The following CNGB3 variants were observed in gnomAD, a reference collection of about 807,000 sequenced individuals.
The protein encoded by CNGB3 is cyclic nucleotide-gated channel beta-3.
In CNGB3, 86 loss-of-function variants were observed where a neutral mutation model predicts 92.8. The ratio of observed to expected loss-of-function variants is 0.93; its 90% CI spans 0.78 to 1.11. The LOEUF (loss-of-function observed/expected upper bound fraction) is 1.11, where lower values mean the gene tolerates loss of function less well. Among genes scored for constraint, CNGB3 ranks in the 50% least tolerant of loss-of-function variants. The probability of loss-of-function intolerance (pLI) is 0.00; values close to 1 mark genes in which losing one functional copy is unlikely to be tolerated. For synonymous variants in CNGB3, 333 were observed against 332.7 expected (o/e 1.00, Z -0.01); for missense variants, 1,026 against 956.8 (o/e 1.07, Z -0.95).
intron 6 of CNGB3, chr8:86,659,395 T>A: frequency 1.3e-6 from 1 of 757,502 alleles, no homozygotes; most frequent in Non-Finnish European, 2.4e-6. Flanking sequence ...AGCAGGAGCT[T>A]GGCCTCTCCA....
At chr8:86,591,214 T>C (rs1822027419) in intron 15 of CNGB3, among the ~76,000 whole-genome samples, 1 of 141,282 alleles carries the variant, frequency 7.1e-6, no homozygotes, top group African/African-American at 2.6e-5. Flanking sequence ...CACTTTTCTG[T>C]ATTGGTTATT....
At chr8:86,600,643 C>T (rs1204757026) in intron 15 of CNGB3, among the ~76,000 whole-genome samples, 2 of 150,312 alleles carry the variant, frequency 1.3e-5, no homozygotes, top group African/African-American at 2.4e-5. Flanking sequence ...AGAGTCTCGC[C>T]CTGTCACCCA....
At chr8:86,658,622 C>T in intron 6 of CNGB3, 1 of 342,754 alleles carries the variant, frequency 2.9e-6, no homozygotes, top group South Asian at 3.1e-5. Flanking sequence ...GATCTCACTA[C>T]TGCTGTAGAC....
In CNGB3 at chr8:86,735,152, T is replaced by TTTTTTTG. The variant is rs1263933023; in HGVS notation, c.211+4502_211+4503insCAAAAAA. Among the ~76,000 whole-genome samples, 7 of 125,744 alleles carry TTTTTTTG rather than the reference T, an allele frequency of 5.6e-5. 2 individuals are homozygous for TTTTTTTG. The highest frequency in any genetic ancestry group is 6.6e-5 in the Non-Finnish European group (4 of 60,198). The allele number at this position is 125,744 out of a possible 152,430, so 82.5% of individuals were successfully genotyped here. A position where few individuals can be genotyped will look rare whatever the true frequency, so the allele number is the denominator to read the frequency against. ...ATTTTTAAAATGGTTGCCTTTTTTT[T>TTTTTTTG]TTTTTTTTGAGACAGAGTCTTGCTG... is the stretch of plus-strand genomic sequence containing the variant. On this transcript the variant is annotated intron_variant, in intron 2 of 17. Transcript: ENST00000320005.
intron 3 of CNGB3, among the ~76,000 whole-genome samples, chr8:86,700,987 A>G (rs1353534035): frequency 6.6e-6 from 1 of 152,178 alleles, no homozygotes; most frequent in African/African-American, 2.4e-5. Flanking sequence ...GTTTCTGGAT[A>G]ATTATCATGG....
At chr8:86,631,853 T>C (rs1178366065) in intron 11 of CNGB3, among the ~76,000 whole-genome samples, 1 of 152,218 alleles carries the variant, frequency 6.6e-6, no homozygotes, top group African/African-American at 2.4e-5. Context: ...TGTTTTGATA[T>C]GTTAATATCA....
intron 3 of CNGB3, among the ~76,000 whole-genome samples, chr8:86,678,348 T>TAA (rs1824014553): frequency 6.6e-6 from 1 of 152,218 alleles, no homozygotes; most frequent in South Asian, 2.1e-4. Flanking sequence ...AGTATAGATA[T>TAA]AACTCAACCA....
intron 13 of CNGB3, among the ~76,000 whole-genome samples, chr8:86,616,443 CTAT>C (rs1164496232): frequency 1.4e-4 from 22 of 152,012 alleles, no homozygotes; most frequent in Non-Finnish European, 3.1e-4. Context: ...TGTTTGAGAA[CTAT>C]TATTATTCTT....
At chr8:86,697,889 G>T (rs1176047005) in intron 3 of CNGB3, among the ~76,000 whole-genome samples, 1 of 151,926 alleles carries the variant, frequency 6.6e-6, no homozygotes, top group African/African-American at 2.4e-5. Flanking sequence ...AGAACATGTG[G>T]TGTTTGGTTT....
chr8:86,723,903 A>G (rs972603814), intron 3 of CNGB3, among the ~76,000 whole-genome samples: 1 of 152,188 alleles, frequency 6.6e-6, no homozygotes, highest in Non-Finnish European at 1.5e-5. Flanking sequence ...GCTTGAGGCC[A>G]TTATCCTAAG....
chr8:86,669,258 TAAAG>T, intron 4 of CNGB3, among the ~76,000 whole-genome samples: 2 of 152,160 alleles, frequency 1.3e-5, no homozygotes, highest in African/African-American at 4.8e-5. Context: ...GCGTATAAAA[TAAAG>T]ACATTCTCAC....
intron 6 of CNGB3, chr8:86,660,604 C>A (rs1336151802): frequency 9.4e-6 from 5 of 534,036 alleles, no homozygotes; most frequent in Non-Finnish European, 1.9e-5. Flanking sequence ...TAGCTCCAAA[C>A]TGCACTCTGG....
intron 3 of CNGB3, among the ~76,000 whole-genome samples, chr8:86,705,662 T>C (rs1369241994): frequency 1.3e-5 from 2 of 152,114 alleles, no homozygotes; most frequent in Non-Finnish European, 2.9e-5. Context: ...GAAACACGGC[T>C]GACATGAGCG....
chr8:86,618,794 T>A (rs1184115692), intron 13 of CNGB3, among the ~76,000 whole-genome samples: 1 of 152,206 alleles, frequency 6.6e-6, no homozygotes, highest in Non-Finnish European at 1.5e-5. Context: ...TCAGGCCCTG[T>A]GGAGTAAATA....
chr8:86,637,821 T>C (rs1823101974), intron 10 of CNGB3, among the ~76,000 whole-genome samples: 1 of 152,182 alleles, frequency 6.6e-6, no homozygotes, highest in East Asian at 1.9e-4. Context: ...AAAACACATG[T>C]TAAGACATAG....
intron 15 of CNGB3, among the ~76,000 whole-genome samples, chr8:86,603,506 T>A (rs1394796467): frequency 6.6e-6 from 1 of 152,182 alleles, no homozygotes; most frequent in African/African-American, 2.4e-5. Flanking sequence ...TAAAAATAAT[T>A]GATATTTATT....
chr8:86,665,745 G>A (rs1470753216), intron 6 of CNGB3, among the ~76,000 whole-genome samples: 1 of 152,140 alleles, frequency 6.6e-6, no homozygotes, highest in African/African-American at 2.4e-5. Context: ...ACTAGAGGGA[G>A]GAGGAATGCA....
intron 7 of CNGB3, among the ~76,000 whole-genome samples, chr8:86,648,097 T>C (rs1823324717): frequency 6.6e-6 from 1 of 151,194 alleles, no homozygotes; most frequent in Non-Finnish European, 1.5e-5. Flanking sequence ...ACATATTTCA[T>C]TTCCACCTCC....
At chr8:86,673,464 G>A (rs867828276) in intron 3 of CNGB3, among the ~76,000 whole-genome samples, 15 of 152,220 alleles carry the variant, frequency 9.9e-5, no homozygotes, top group Admixed American at 1.3e-4. Context: ...GAGTGATGGT[G>A]GTTGGGTATG....
Sources: gnomAD v4.1 joint callset for allele counts (sites outside exome capture counted in the v4.1 genomes callset) on GRCh38, gnomAD v4.1.1 for gene constraint, MANE v1.5 for transcripts, NCBI Gene and HGNC (gene_info 2026-07-23, HGNC 2026-07-21) for gene names.